RANBP2: variants seen among roughly 807,000 people sequenced by gnomAD.
The protein encoded by RANBP2 is E3 SUMO-protein ligase RanBP2.
In RANBP2, 57 loss-of-function variants were observed where a neutral mutation model predicts 303.6. That is an observed-to-expected ratio of 0.19 (90% confidence interval 0.15 to 0.23). The LOEUF (loss-of-function observed/expected upper bound fraction) is 0.23, where lower values mean the gene tolerates loss of function less well. RANBP2 is among the 10% of genes least tolerant of loss of function. The pLI is 1.00. For synonymous variants in RANBP2, 1,167 were observed against 1,301.5 expected, an observed-to-expected ratio of 0.90 and a Z score of 2.23; for missense variants, 3,138 against 3,780.8, an observed-to-expected ratio of 0.83 and a Z score of 4.46.
chr2:109,165,196 CT>C, the RANBP2 span, among the ~76,000 whole-genome samples: 1 of 52,104 alleles, frequency 1.9e-5, no homozygotes, highest in Non-Finnish European at 4.4e-5. Context: ...CCCTCAAAAG[CT>C]GAGGGAAGAC....
chr2:109,766,292 G>T, the RANBP2 span, among the ~76,000 whole-genome samples: 1 of 151,056 alleles, frequency 6.6e-6, no homozygotes, highest in Non-Finnish European at 1.5e-5. Context: ...AGGGGGCCTC[G>T]ATGGGAAGCA....
At chr2:108,743,577 C>T (rs1016589470) in intron 7 of RANBP2, among the ~76,000 whole-genome samples, 3 of 152,220 alleles carry the variant, frequency 2.0e-5, no homozygotes, top group African/African-American at 7.2e-5. Context: ...CCACACCTGA[C>T]TGTGAACTTT....
the RANBP2 span, among the ~76,000 whole-genome samples, chr2:109,190,656 A>G: frequency 6.6e-6 from 1 of 152,046 alleles, no homozygotes; most frequent in Non-Finnish European, 1.5e-5. Context: ...TTATTGTTTC[A>G]TTTCTACAGT....
chr2:109,690,076 T>C, the RANBP2 span, among the ~76,000 whole-genome samples: 5 of 152,154 alleles, frequency 3.3e-5, no homozygotes, highest in Admixed American at 6.6e-5. Flanking sequence ...CTACCCACCA[T>C]GGTACTGTGA....
the RANBP2 span, among the ~76,000 whole-genome samples, chr2:109,037,238 C>A: frequency 6.7e-6 from 1 of 150,216 alleles, no homozygotes; most frequent in East Asian, 2.0e-4. Flanking sequence ...GCAGGAGGAT[C>A]ACCTGATCCT....
the RANBP2 span, among the ~76,000 whole-genome samples, chr2:109,123,028 C>T: frequency 6.6e-6 from 1 of 152,188 alleles, no homozygotes; most frequent in Non-Finnish European, 1.5e-5. Context: ...GAGAAACAGG[C>T]TTGAACTCAT....
the RANBP2 span, among the ~76,000 whole-genome samples, chr2:108,971,395 C>T: frequency 2.0e-5 from 3 of 151,898 alleles, no homozygotes; most frequent in African/African-American, 7.3e-5. Context: ...TGTAACAAGA[C>T]CCCCAGGTGA....
At chr2:109,395,509 G>C in the RANBP2 span, among the ~76,000 whole-genome samples, 4 of 152,172 alleles carry the variant, frequency 2.6e-5, no homozygotes, top group Admixed American at 6.5e-5. Flanking sequence ...TGAGGCAGGA[G>C]CTCTTACTTC....
chr2:109,593,140 C>T, the RANBP2 span: 2 of 1,555,878 alleles, frequency 1.3e-6, no homozygotes, highest in Non-Finnish European at 1.7e-6. Context: ...AATACAAAGG[C>T]TTAAAAGGAA....
chr2:108,892,087 C>T, the RANBP2 span, among the ~76,000 whole-genome samples: 1 of 152,138 alleles, frequency 6.6e-6, no homozygotes, highest in Non-Finnish European at 1.5e-5. Flanking sequence ...CCTCAGGCCC[C>T]AGGCAGAGTG....
At chr2:108,883,396 A>G in the RANBP2 span, 14 of 152,210 alleles carry the variant, frequency 9.2e-5, no homozygotes, top group African/African-American at 3.4e-4. Flanking sequence ...CTTTTCAGAC[A>G]TTGCCTCTTT....
the RANBP2 span, among the ~76,000 whole-genome samples, chr2:109,647,825 G>A: frequency 6.6e-6 from 1 of 152,188 alleles, no homozygotes; most frequent in African/African-American, 2.4e-5. Context: ...AGGCTTGCTT[G>A]TATGCCCTTG....
rs1245753975 is a variant in RANBP2 at position 108,767,447 on chromosome 2, A to G, written c.6908A>G (p.Glu2303Gly). ...TDEESDVTQE[E>G]ERDGQYFEPV... ...GAAGAATCTGATGTTACTCAAGAAG[A>G]AGAGAGAGATGGACAGTACTTTGAA... Residue 2303 changes from glutamate (E) to glycine (G), a missense_variant, in exon 20 of 29, where the codon GAA becomes GGA. Transcript: ENST00000283195. The G allele has an allele frequency of 3.1e-6, 5 of 1,611,838 alleles. No individual in the cohort carries two copies. In the African/African-American group the frequency reaches 6.7e-5, roughly 22 times the overall value.
the RANBP2 span, among the ~76,000 whole-genome samples, chr2:109,029,140 A>AAAAT: frequency 0.01 from 1,576 of 152,088 alleles, 22 homozygotes; most frequent in African/African-American, 0.035. Context: ...AAAAATAAAT[A>AAAAT]AAATAAATAA....
chr2:109,253,252 G>A, the RANBP2 span, among the ~76,000 whole-genome samples: 1 of 152,106 alleles, frequency 6.6e-6, no homozygotes, highest in African/African-American at 2.4e-5. Flanking sequence ...CTCCTGACCT[G>A]AAGTGATCCG....
chr2:109,038,876 T>C, the RANBP2 span, among the ~76,000 whole-genome samples: 1 of 152,172 alleles, frequency 6.6e-6, no homozygotes, highest in Non-Finnish European at 1.5e-5. Flanking sequence ...CTGGTGTAAG[T>C]GTAGTGGTAT....
chr2:109,062,803 TGGGGGTGCTGGGATGGTGA>T, the RANBP2 span, among the ~76,000 whole-genome samples: 1 of 49,134 alleles, frequency 2.0e-5, no homozygotes, highest in Non-Finnish European at 4.3e-5. Context: ...TAGGATGGGG[TGGGGGTGCTGGGATGGTGA>T]GGGGGTGGAG....
At chr2:109,345,327 G>T in the RANBP2 span, among the ~76,000 whole-genome samples, 1 of 152,318 alleles carries the variant, frequency 6.6e-6, no homozygotes, top group Non-Finnish European at 1.5e-5. Context: ...CTTCTCGGGG[G>T]CATTGCAGGG....
At chr2:108,877,753 A>G in the RANBP2 span, among the ~76,000 whole-genome samples, 1 of 152,098 alleles carries the variant, frequency 6.6e-6, no homozygotes, top group Admixed American at 6.5e-5. Context: ...GTGGCCAAAG[A>G]AAGAACTGCA....
Sources: allele counts gnomAD v4.1 joint callset (sites outside exome capture counted in the v4.1 genomes callset), GRCh38; gene constraint gnomAD v4.1.1; transcripts MANE v1.5; gene names NCBI Gene and HGNC (gene_info 2026-07-23, HGNC 2026-07-21).